Variants in LRP1B observed in about 807,000 individuals in gnomAD.
LRP1B encodes LDL receptor related protein 1B.
LRP1B carries 217 observed loss-of-function variants against 556.6 expected under a neutral mutation model. The ratio of observed to expected loss-of-function variants is 0.39; its 90% CI spans 0.35 to 0.44. The LOEUF is 0.44. Ranked by LOEUF, LRP1B falls within the 20% of genes least tolerant of loss-of-function variation. The probability of loss-of-function intolerance (pLI) is 1.00; values close to 1 mark genes in which losing one functional copy is unlikely to be tolerated. For synonymous variants in LRP1B, 2,047 were observed against 1,865.8 expected, an observed-to-expected ratio of 1.10 and a Z score of -2.50; for missense variants, 5,053 against 5,620.8, an observed-to-expected ratio of 0.90 and a Z score of 3.23.
chr2:141,116,583 C>T (rs1700905257), intron 7 of LRP1B, among the ~76,000 whole-genome samples: 1 of 152,032 alleles, frequency 6.6e-6, no homozygotes, highest in Admixed American at 6.5e-5. Context: ...ATGATAGTGC[C>T]CAAAAACCTT....
chr2:140,887,047 A>G (rs926382862), intron 23 of LRP1B, among the ~76,000 whole-genome samples: 1 of 152,212 alleles, frequency 6.6e-6, no homozygotes, highest in Non-Finnish European at 1.5e-5. Context: ...TCAAAAATGT[A>G]TCAACCCTAA....
chr2:140,248,467 G>A (rs1458341901), intron 86 of LRP1B, among the ~76,000 whole-genome samples: 1 of 151,424 alleles, frequency 6.6e-6, no homozygotes, highest in Non-Finnish European at 1.5e-5. Context: ...CTCAACTTTT[G>A]TTACATCATA....
At chr2:141,107,447 A>G (rs769636887) in intron 7 of LRP1B, among the ~76,000 whole-genome samples, 112 of 152,134 alleles carry the variant, frequency 7.4e-4, no homozygotes, top group Non-Finnish European at 1.9e-4. Flanking sequence ...AGAGATCAAG[A>G]CCATCCTGGC....
chr2:140,279,346 T>C (rs1187461582), intron 84 of LRP1B, among the ~76,000 whole-genome samples: 1 of 151,982 alleles, frequency 6.6e-6, no homozygotes, highest in East Asian at 1.9e-4. Context: ...CATCTGATGG[T>C]GTTGTCTATT....
intron 6 of LRP1B, among the ~76,000 whole-genome samples, chr2:141,201,812 T>C (rs1445874922): frequency 6.6e-6 from 1 of 152,152 alleles, no homozygotes; most frequent in Admixed American, 6.5e-5. Context: ...AGTGGACTGA[T>C]TCTGTAAATA....
At chr2:140,544,274 A>C (rs1680244495) in intron 43 of LRP1B, among the ~76,000 whole-genome samples, 2 of 150,662 alleles carry the variant, frequency 1.3e-5, no homozygotes, top group African/African-American at 4.9e-5. Flanking sequence ...TTTTAAATTC[A>C]GGGGTATATG....
chr2:140,848,574 A>G (rs1179444212), intron 29 of LRP1B, among the ~76,000 whole-genome samples: 2 of 152,156 alleles, frequency 1.3e-5, no homozygotes, highest in African/African-American at 2.4e-5. Flanking sequence ...GACATTTACC[A>G]TTGCTCAAAT....
intron 42 of LRP1B, 34 bp from the exon 43 acceptor site, chr2:140,598,869 A>C (rs1373064098): frequency 7.1e-7 from 1 of 1,399,254 alleles, no homozygotes; most frequent in Non-Finnish European, 1.0e-6. Flanking sequence ...TATAAATTAA[A>C]CTTCTCATCA....
chr2:141,564,319 T>C (rs1382761141), intron 2 of LRP1B, among the ~76,000 whole-genome samples: 3 of 152,110 alleles, frequency 2.0e-5, no homozygotes, highest in Admixed American at 2.0e-4. Context: ...AAACTGGTGT[T>C]TTTATCTCTG....
chr2:140,612,175 T>C (rs1683094919), intron 41 of LRP1B, among the ~76,000 whole-genome samples: 1 of 152,102 alleles, frequency 6.6e-6, no homozygotes, highest in Non-Finnish European at 1.5e-5. Flanking sequence ...CATTTTTCCA[T>C]TGACATTAAT....
intron 1 of LRP1B, among the ~76,000 whole-genome samples, chr2:142,071,532 T>A (rs1705309347): frequency 6.6e-6 from 1 of 151,954 alleles, no homozygotes; most frequent in Non-Finnish European, 1.5e-5. Flanking sequence ...TATGTGGAAA[T>A]TACATGAAAT....
At chr2:141,706,912 C>T (rs1192779480) in intron 2 of LRP1B, among the ~76,000 whole-genome samples, 1 of 151,938 alleles carries the variant, frequency 6.6e-6, no homozygotes, top group Non-Finnish European at 1.5e-5. Context: ...CTATCTTAGG[C>T]AAAAAGCCAT....
At chr2:140,390,097 C>A (rs1683949212) in intron 66 of LRP1B, among the ~76,000 whole-genome samples, 1 of 151,878 alleles carries the variant, frequency 6.6e-6, no homozygotes, top group African/African-American at 2.4e-5. Flanking sequence ...CTGTTGCACT[C>A]CAGCCTAGGT....
rs1574063882 is a variant in LRP1B at position 141,544,301 on chromosome 2, C to CTTCTTCTTCTTCTTCTTCTTCTTCTT, written c.206-63794_206-63769dup. On this transcript the variant is annotated intron_variant, in intron 2 of 90. Transcript: ENST00000389484. ...TTCTCTTAAGAAATTTACCACTCTT[C>CTTCTTCTTCTTCTTCTTCTTCTTCTT]TTCTTCTTCTTCTTCTTCTTCTTCT... 9.7e-3 allele frequency among the ~76,000 whole-genome samples: 67 copies of CTTCTTCTTCTTCTTCTTCTTCTTCTT among 6,930 alleles called. 1 individual carries two copies. The highest frequency in any genetic ancestry group is 0.014 in the East Asian group (1 of 74). 4.5% of individuals were successfully genotyped at this position (6,930 alleles called of 152,430 possible).
At chr2:141,608,632 G>C (rs1464659859) in intron 2 of LRP1B, among the ~76,000 whole-genome samples, 7 of 152,006 alleles carry the variant, frequency 4.6e-5, no homozygotes, top group Non-Finnish European at 1.0e-4. Flanking sequence ...GTTACTCACT[G>C]GTGTTCCAGT....
intron 2 of LRP1B, among the ~76,000 whole-genome samples, chr2:141,758,843 A>G (rs1232691890): frequency 6.6e-6 from 1 of 152,152 alleles, no homozygotes; most frequent in Non-Finnish European, 1.5e-5. Context: ...AAAGTACTAA[A>G]TACTCCTTAG....
intron 2 of LRP1B, among the ~76,000 whole-genome samples, chr2:141,638,649 A>T (rs188813301): frequency 8.7e-6 from 1 of 114,518 alleles, no homozygotes; most frequent in Admixed American, 8.7e-5. Flanking sequence ...AGCACCACGC[A>T]GACTGAGAAA....
intron 62 of LRP1B, among the ~76,000 whole-genome samples, chr2:140,450,875 C>T (rs552092067): frequency 6.6e-6 from 1 of 152,254 alleles, no homozygotes; most frequent in Non-Finnish European, 1.5e-5. Flanking sequence ...CTTGAGATGA[C>T]CTGCAAACAC....
intron 3 of LRP1B, among the ~76,000 whole-genome samples, chr2:141,275,710 T>C (rs1361645168): frequency 2.6e-5 from 4 of 152,086 alleles, no homozygotes; most frequent in African/African-American, 9.7e-5. Flanking sequence ...GAGACCCTTT[T>C]TCAAAAAATA....
Sources: gnomAD v4.1 joint callset for allele counts (sites outside exome capture counted in the v4.1 genomes callset) on GRCh38, gnomAD v4.1.1 for gene constraint, MANE v1.5 for transcripts, NCBI Gene and HGNC (gene_info 2026-07-23, HGNC 2026-07-21) for gene names.